Variants in DOCK3 observed in about 807,000 individuals in gnomAD.
DOCK3 encodes the protein dedicator of cytokinesis 3.
A neutral mutation model predicts 265.6 loss-of-function variants in DOCK3; 60 were observed. The observed-to-expected ratio is 0.23, with a 90% confidence interval of 0.18 to 0.28. DOCK3 has a LOEUF of 0.28. Ranked by LOEUF, DOCK3 falls within the 10% of genes least tolerant of loss-of-function variation. The pLI is 1.00. For synonymous variants in DOCK3, 881 were observed against 938.0 expected (o/e 0.94, Z 1.11); for missense variants, 1,981 against 2,594.3 (o/e 0.76, Z 5.14).
At chr3:50,704,792 A>AT (rs549101311) in intron 1 of DOCK3, among the ~76,000 whole-genome samples, 85 of 151,416 alleles carry the variant, frequency 5.6e-4, no homozygotes, top group Non-Finnish European at 9.4e-4. Flanking sequence ...CGCTCAGCTA[A>AT]TTTTTTTTGT....
At chr3:50,861,758 T>TC (rs551802987) in intron 3 of DOCK3, among the ~76,000 whole-genome samples, 18 of 142,440 alleles carry the variant, frequency 1.3e-4, no homozygotes, top group African/African-American at 4.1e-4. Context: ...CTGCTCTCTC[T>TC]TTTTTTTTTT....
intron 14 of DOCK3, 97 bp from the exon 15 acceptor site, chr3:51,225,552 C>T: frequency 6.7e-7 from 1 of 1,498,934 alleles, no homozygotes; most frequent in Admixed American, 2.3e-5. Flanking sequence ...AACACCCACC[C>T]AAGCCCCAGA....
At chr3:50,697,387 C>A (rs941250066) in intron 1 of DOCK3, among the ~76,000 whole-genome samples, 1 of 151,722 alleles carries the variant, frequency 6.6e-6, no homozygotes, top group Admixed American at 6.6e-5. Flanking sequence ...GTCAGGAGTT[C>A]GAGGCCAGCC....
rs142946506 is a variant in DOCK3, at chr3:51,324,084, G to A, written c.3403-6054G>A. ...TGGAAGTTCTGGCCAGGGCAATCAG[G>A]CAAGATAAAGAAATAAAGGGTATTC... On this transcript the variant is annotated intron_variant, in intron 32 of 52. Coordinates refer to ENST00000266037, the MANE Select transcript of DOCK3 (RefSeq NM_004947.5). Among the ~76,000 whole-genome samples the A allele has an allele frequency of 7.4e-3, 1,121 of 152,256 alleles. 15 individuals carry two copies. Among genetic ancestry groups the A allele is most frequent in the African/African-American group, 0.026 (1,076 of 41,532 alleles).
At chr3:50,931,176 T>A (rs1378845827) in intron 4 of DOCK3, among the ~76,000 whole-genome samples, 1 of 152,198 alleles carries the variant, frequency 6.6e-6, no homozygotes, top group Non-Finnish European at 1.5e-5. Flanking sequence ...TTAATATGCC[T>A]TGCTCATTAT....
chr3:50,883,615 T>C (rs2048171281), intron 3 of DOCK3, among the ~76,000 whole-genome samples: 1 of 152,154 alleles, frequency 6.6e-6, no homozygotes, highest in Non-Finnish European at 1.5e-5. Context: ...TTGGTAGATA[T>C]AATATTCTAG....
chr3:51,101,159 G>C (rs563732004), intron 9 of DOCK3, among the ~76,000 whole-genome samples: 5 of 144,820 alleles, frequency 3.5e-5, no homozygotes, highest in Non-Finnish European at 7.5e-5. Context: ...TGTCGCCCAG[G>C]CCGGACTGCG....
intron 2 of DOCK3, among the ~76,000 whole-genome samples, chr3:50,795,814 T>C (rs1200445103): frequency 6.6e-6 from 1 of 152,190 alleles, no homozygotes; most frequent in African/African-American, 2.4e-5. Flanking sequence ...ATCAAATTCT[T>C]GTAGTGTGTT....
rs776397056 is a variant in DOCK3, at chr3:51,260,251, C to G, written c.2280C>G (p.Ile760Met). 6.2e-7 allele frequency: 1 copy of G among 1,613,910 alleles called. No homozygotes were observed. The highest frequency in any genetic ancestry group is 8.5e-7 in the Non-Finnish European group (1 of 1,179,880). ...GMEEEQFRSS[I>M]QELFQSIRFV... ...AAGAGGAACAATTCAGATCCAGTAT[C>G]CAAGAACTTTTCCAGTCCATCCGGT... Residue 760 changes from isoleucine to methionine, a missense_variant, in exon 23 of 53, where the codon ATC becomes ATG. By Grantham distance (10) the Ile-to-Met change is conservative. Coordinates refer to ENST00000266037, the MANE Select transcript of DOCK3 (RefSeq NM_004947.5).
At chr3:51,014,254 G>A (rs890004469) in intron 5 of DOCK3, among the ~76,000 whole-genome samples, 9 of 151,990 alleles carry the variant, frequency 5.9e-5, no homozygotes, top group South Asian at 4.1e-4. Flanking sequence ...TGTTGATCAC[G>A]CTTGGAGCTG....
chr3:51,123,508 T>A (rs2084128483), intron 9 of DOCK3, among the ~76,000 whole-genome samples: 2 of 152,160 alleles, frequency 1.3e-5, no homozygotes, highest in South Asian at 4.1e-4. Flanking sequence ...CTTATGACAG[T>A]GATGTAGTAA....
intron 4 of DOCK3, among the ~76,000 whole-genome samples, chr3:50,891,416 C>A (rs1423890765): frequency 6.6e-6 from 1 of 152,006 alleles, no homozygotes; most frequent in Non-Finnish European, 1.5e-5. Flanking sequence ...TCTCCTTTTA[C>A]AAAACATGTA....
At chr3:51,189,564 T>C (rs4367101) in intron 12 of DOCK3, among the ~76,000 whole-genome samples, 138,801 of 152,222 alleles carry the variant, frequency 0.91, 63,425 homozygotes, top group African/African-American at 0.95. Context: ...GCTTTAGCTC[T>C]ATCCAAGTTT....
At chr3:50,824,355 C>T (rs575894913) in intron 2 of DOCK3, among the ~76,000 whole-genome samples, 24 of 152,206 alleles carry the variant, frequency 1.6e-4, no homozygotes, top group African/African-American at 4.8e-4. Context: ...GAAAAAGAAG[C>T]CTCAGGGTTT....
At chr3:50,768,680 A>G (rs987035476) in intron 1 of DOCK3, among the ~76,000 whole-genome samples, 17 of 152,320 alleles carry the variant, frequency 1.1e-4, no homozygotes, top group Admixed American at 9.2e-4. Context: ...TATTGATTCC[A>G]TATCTTGGCT....
At position 51,208,776 on chromosome 3, in the gene DOCK3, G is replaced by A. The variant is rs2089353280; in HGVS notation, c.1040G>A (p.Cys347Tyr). Residue 347 changes from cysteine (C) to tyrosine (Y), a missense_variant and splice_region_variant, in exon 13 of 53, where the codon TGC (cysteine) becomes TAC (tyrosine). Cys to Tyr is a radical substitution (Grantham distance 194). Transcript: ENST00000266037. ...TAACACCTGTCCTTCTGTTACAGGTGCAACAACGAGAGTGAGTGGTCCCAG... is the reference window on the plus strand; with the variant it reads ...TAACACCTGTCCTTCTGTTACAGGTACAACAACGAGAGTGAGTGGTCCCAG... ...EKDFVLKVYTCNNESEWSQIH... is the reference protein window; with the variant it reads ...EKDFVLKVYTYNNESEWSQIH... The A allele has an allele frequency of 1.9e-6, 3 of 1,607,640 alleles. No homozygotes were observed. Among genetic ancestry groups the A allele is most frequent in the Non-Finnish European group, 2.5e-6 (3 of 1,177,220 alleles).
intron 2 of DOCK3, among the ~76,000 whole-genome samples, chr3:50,828,641 G>C (rs1172835286): frequency 6.6e-6 from 1 of 151,622 alleles, no homozygotes; most frequent in Non-Finnish European, 1.5e-5. Flanking sequence ...CTGACCTCAG[G>C]TGATCTGCCC....
intron 3 of DOCK3, among the ~76,000 whole-genome samples, chr3:50,867,408 G>A (rs982887661): frequency 6.6e-6 from 1 of 151,964 alleles, no homozygotes; most frequent in African/African-American, 2.4e-5. Context: ...TGGATTCTCT[G>A]TGTTTTTTTC....
intron 6 of DOCK3, among the ~76,000 whole-genome samples, chr3:51,071,620 T>C (rs1211427570): frequency 3.3e-5 from 5 of 152,196 alleles, no homozygotes; most frequent in African/African-American, 1.2e-4. Flanking sequence ...GATTAATCCT[T>C]ACAACAGCTT....
Sources: gnomAD v4.1 joint callset for allele counts (sites outside exome capture counted in the v4.1 genomes callset) on GRCh38, gnomAD v4.1.1 for gene constraint, MANE v1.5 for transcripts, NCBI Gene and HGNC (gene_info 2026-07-23, HGNC 2026-07-21) for gene names.